ADGRE1: variants seen among roughly 807,000 people sequenced by gnomAD.
ADGRE1 encodes EGF-like module receptor 1.
A neutral mutation model predicts 102.7 loss-of-function variants in ADGRE1; 82 were observed. That is an observed-to-expected ratio of 0.80 (90% CI 0.67 to 0.96). The LOEUF (loss-of-function observed/expected upper bound fraction) is 0.96, where lower values mean the gene tolerates loss of function less well. ADGRE1 is among the 40% of genes least tolerant of loss of function. The pLI, the probability that ADGRE1 is intolerant of heterozygous loss-of-function variation, is 0.00. For missense variants in ADGRE1, 1,032 were observed against 1,085.3 expected (o/e 0.95, Z 0.69); for synonymous variants, 398 against 399.6 (o/e 1.00, Z 0.05).
At chr19:6,937,771 A>G (rs1357868955) in intron 20 of ADGRE1, 123 bp downstream of exon 20, 4 of 739,150 alleles carry the variant, frequency 5.4e-6, no homozygotes, top group Non-Finnish European at 9.2e-6. Flanking sequence ...TAGTTAGCTC[A>G]TGGATGAAGT....
chr19:6,920,662 C>T (rs1272687287), intron 13 of ADGRE1, among the ~76,000 whole-genome samples: 1 of 151,642 alleles, frequency 6.6e-6, no homozygotes, highest in African/African-American at 2.4e-5. Flanking sequence ...GGGTGCCCAC[C>T]ACATGCCCAG....
intron 17 of ADGRE1, among the ~76,000 whole-genome samples, chr19:6,932,979 G>C (rs1278563652): frequency 3.3e-5 from 5 of 152,170 alleles, no homozygotes; most frequent in Non-Finnish European, 5.9e-5. Context: ...CCAGCACTTT[G>C]GGAGGCCAAG....
chr19:6,926,542 G>A lies in ADGRE1; in HGVS notation c.2163G>A (p.Pro721=), dbSNP rs150705433. The change falls in exon 16 of 21, where the codon CCG becomes CCA. Residue 721 remains proline (P), a synonymous_variant. Coordinates refer to ENST00000312053, the MANE Select transcript of ADGRE1 (RefSeq NM_001974.5). ...LHICAFGYGL[P]MLVVVISASV... The stretch of plus-strand genomic sequence containing the variant: ...TCTGTGCCTTTGGTTATGGGCTGCC[G>A]ATGCTGGTGGTGGTGATCTCTGCCA... 185 of 1,614,120 alleles carry A rather than the reference G, an allele frequency of 1.1e-4. No individual in the cohort carries two copies. The highest frequency in any genetic ancestry group is 1.4e-4 in the Non-Finnish European group (169 of 1,180,058).
chr19:6,937,124 T>G, intron 18 of ADGRE1, 119 bp from the exon 19 acceptor site: 3 of 1,127,696 alleles, frequency 2.7e-6, no homozygotes, highest in Non-Finnish European at 2.6e-6. Flanking sequence ...CCACCCTACA[T>G]TTGTCCACAC....
At chr19:6,898,971 T>A (rs1973672631) in intron 5 of ADGRE1, among the ~76,000 whole-genome samples, 1 of 152,202 alleles carries the variant, frequency 6.6e-6, no homozygotes, top group African/African-American at 2.4e-5. Context: ...ATTAGGCCAT[T>A]TCTGTTCAAG....
At chr19:6,899,888 G>A (rs1052390404) in intron 5 of ADGRE1, among the ~76,000 whole-genome samples, 1 of 151,664 alleles carries the variant, frequency 6.6e-6, no homozygotes, top group Admixed American at 6.6e-5. Context: ...GTCAGGAGAT[G>A]GAGACCATCC....
At chr19:6,906,322 G>A (rs1235828577) in intron 8 of ADGRE1, 111 bp from the exon 9 acceptor site, 8 of 842,180 alleles carry the variant, frequency 9.5e-6, no homozygotes, top group Middle Eastern at 2.3e-4. Flanking sequence ...GTGTATTAGG[G>A]TAATAGATGG....
In ADGRE1 at chr19:6,901,897, A is replaced by G; in HGVS notation, c.537A>G (p.Pro179=). 1 of 1,614,188 alleles carries G rather than the reference A, an allele frequency of 6.2e-7. No individual in the cohort carries two copies. The highest frequency in any genetic ancestry group is 8.5e-7 in the Non-Finnish European group (1 of 1,180,024). Residue 179 remains proline (P), a synonymous_variant, in exon 6 of 21, where the codon CCA becomes CCG. Transcript: ENST00000312053. ...TCEDVDECAD[P]RACPEHATCN... is the part of the protein sequence containing the mutation. ...CAGACGTGGATGAATGTGCAGATCC[A>G]AGAGCTTGCCCAGAGCATGCAACTT...
At chr19:6,936,128 A>G (rs2145037666) in intron 18 of ADGRE1, among the ~76,000 whole-genome samples, 1 of 152,290 alleles carries the variant, frequency 6.6e-6, no homozygotes, top group East Asian at 1.9e-4. Context: ...AATATGTTTG[A>G]AAAGTTAGTA....
At chr19:6,905,084 C>T (rs945548687) in intron 8 of ADGRE1, among the ~76,000 whole-genome samples, 2 of 151,968 alleles carry the variant, frequency 1.3e-5, no homozygotes, top group Non-Finnish European at 1.5e-5. Context: ...CAGTGACATA[C>T]CTATAAACAG....
chr19:6,921,951 T>A, intron 14 of ADGRE1, 68 bp downstream of exon 14: 2 of 1,520,488 alleles, frequency 1.3e-6, no homozygotes, highest in Non-Finnish European at 1.8e-6. Flanking sequence ...AAATATTGAT[T>A]AAACATCTGT....
At chr19:6,908,438 T>C (rs1974048131) in intron 9 of ADGRE1, among the ~76,000 whole-genome samples, 1 of 152,188 alleles carries the variant, frequency 6.6e-6, no homozygotes, top group South Asian at 2.1e-4. Context: ...CCGATTGAGC[T>C]GGTTTCAGCA....
intron 3 of ADGRE1, 177 bp downstream of exon 3, chr19:6,896,718 G>T: frequency 1.5e-6 from 1 of 679,916 alleles, no homozygotes; most frequent in South Asian, 2.3e-5. Flanking sequence ...GATATGTGGG[G>T]GTGTTGTTAC....
intron 2 of ADGRE1, 92 bp downstream of exon 2, chr19:6,890,635 T>C: frequency 7.3e-7 from 1 of 1,370,236 alleles, no homozygotes; most frequent in East Asian, 2.4e-5. Flanking sequence ...CTCATCCAGA[T>C]GCTTGCTGGG....
intron 6 of ADGRE1, 35 bp from the exon 7 acceptor site, chr19:6,903,775 C>T: frequency 6.2e-7 from 1 of 1,607,746 alleles, no homozygotes; most frequent in African/African-American, 1.3e-5. Context: ...GGCTCATTGG[C>T]CAACTTGGCT....
chr19:6,910,636 A>G (rs1974143352), intron 10 of ADGRE1, among the ~76,000 whole-genome samples: 1 of 138,130 alleles, frequency 7.2e-6, no homozygotes, highest in African/African-American at 2.6e-5. Context: ...CAATGGCGCA[A>G]TATTGACTCA....
At position 6,913,831 on chromosome 19, in the gene ADGRE1, G is replaced by A. The variant is rs1868945306; in HGVS notation, c.1300+1G>A. On this transcript the variant is annotated splice_donor_variant, in intron 11 of 20. Coordinates refer to ENST00000312053, the MANE Select transcript of ADGRE1 (RefSeq NM_001974.5). LOFTEE classifies it high-confidence loss of function. Reference sequence around the variant, plus strand: ...CCGGCTGTTCGGACGGAATACTTAGGTAGGAGACACCCTTTGTGGCAAGGT... The same window carrying A: ...CCGGCTGTTCGGACGGAATACTTAGATAGGAGACACCCTTTGTGGCAAGGT... The A allele has an allele frequency of 6.3e-7, 1 of 1,580,834 alleles. No individual in the cohort carries two copies. Among genetic ancestry groups the A allele is most frequent in the African/African-American group, 1.4e-5 (1 of 74,056 alleles).
In ADGRE1 at chr19:6,924,706, A is replaced by C; in HGVS notation, c.1820A>C (p.His607Pro). The C allele has an allele frequency of 6.2e-7, 1 of 1,614,142 alleles. No homozygotes were observed. Among genetic ancestry groups the C allele is most frequent in the African/African-American group, 1.3e-5 (1 of 75,044 alleles). The change falls in exon 15 of 21, where the codon CAT (histidine) becomes CCT (proline). Residue 607 changes from histidine (H) to proline (P), a missense_variant. Transcript: ENST00000312053. ...GACTTTTCCTTGTACATCATTAGCC[A>C]TGTAGGCATTATCATCTCCTTGGTG... ...TMDFSLYIIS[H>P]VGIIISLVCL... is the part of the protein sequence containing the mutation.
chr19:6,936,436 CA>C (rs543860591), intron 18 of ADGRE1, among the ~76,000 whole-genome samples: 49 of 134,594 alleles, frequency 3.6e-4, no homozygotes, highest in Non-Finnish European at 3.9e-4. Flanking sequence ...ACTCCATCTC[CA>C]AAAAAAAAAA....
Sources: allele counts gnomAD v4.1 joint callset (sites outside exome capture counted in the v4.1 genomes callset), GRCh38; gene constraint gnomAD v4.1.1; transcripts MANE v1.5; gene names NCBI Gene and HGNC (gene_info 2026-07-23, HGNC 2026-07-21).